Variants in PCDH15 observed in about 807,000 individuals in gnomAD.
PCDH15 encodes the protein protocadherin-15.
Under a neutral mutation model 178.5 loss-of-function variants are expected in PCDH15, and 129 were observed. The observed-to-expected ratio is 0.72, with a 90% CI of 0.63 to 0.84. PCDH15 has a LOEUF of 0.84. PCDH15 is among the 40% of genes least tolerant of loss of function. The pLI is 0.00. For synonymous variants in PCDH15, 800 were observed against 732.0 expected (o/e 1.09, Z -1.50); for missense variants, 2,230 against 2,099.9 (o/e 1.06, Z -1.21).
chr10:54,658,021 G>T (rs2094436801), intron 2 of PCDH15, among the ~76,000 whole-genome samples: 1 of 152,210 alleles, frequency 6.6e-6, no homozygotes, highest in East Asian at 1.9e-4. Context: ...ATAGTTGAAA[G>T]CTTTAACAAT....
chr10:54,935,513 T>C (rs546365595), intron 2 of PCDH15, among the ~76,000 whole-genome samples: 2 of 152,218 alleles, frequency 1.3e-5, no homozygotes, highest in East Asian at 3.9e-4. Context: ...TAAAATGGAG[T>C]TGAATCCTAA....
At chr10:54,537,834 T>C (rs888224589) in intron 2 of PCDH15, among the ~76,000 whole-genome samples, 4 of 152,084 alleles carry the variant, frequency 2.6e-5, no homozygotes, top group Non-Finnish European at 4.4e-5. Flanking sequence ...TAGTATCTCA[T>C]TGTGGTTTTG....
At chr10:54,961,329 G>A (rs1316113485) in intron 2 of PCDH15, among the ~76,000 whole-genome samples, 5 of 152,204 alleles carry the variant, frequency 3.3e-5, no homozygotes, top group Non-Finnish European at 7.3e-5. Flanking sequence ...TGGGGACTGA[G>A]GGTGACTCAG....
At chr10:53,845,319 G>T (rs983687454) in intron 28 of PCDH15, among the ~76,000 whole-genome samples, 36 of 151,780 alleles carry the variant, frequency 2.4e-4, no homozygotes, top group Non-Finnish European at 3.0e-4. Flanking sequence ...CAGTATGGAG[G>T]TTCCTCAAAA....
intron 1 of PCDH15, among the ~76,000 whole-genome samples, chr10:55,175,436 G>T (rs12252018): frequency 6.6e-6 from 1 of 151,684 alleles, no homozygotes; most frequent in Non-Finnish European, 1.5e-5. Context: ...CTTTAGAGGT[G>T]GGTGAATCAC....
chr10:55,231,368 T>A (rs1461583648), intron 1 of PCDH15, among the ~76,000 whole-genome samples: 1 of 151,960 alleles, frequency 6.6e-6, no homozygotes, highest in Non-Finnish European at 1.5e-5. Context: ...GACTCCCGAA[T>A]AATGTAAAGT....
intron 34 of PCDH15, among the ~76,000 whole-genome samples, chr10:53,817,240 G>A (rs1435057447): frequency 6.6e-6 from 1 of 152,134 alleles, no homozygotes; most frequent in Non-Finnish European, 1.5e-5. Context: ...TTGAGAAGCT[G>A]TATGCTAAAT....
chr10:54,597,418 T>C (rs985672566), intron 2 of PCDH15, among the ~76,000 whole-genome samples: 3 of 152,074 alleles, frequency 2.0e-5, no homozygotes, highest in Non-Finnish European at 4.4e-5. Context: ...AGATATAATA[T>C]ACCAGAATCT....
At chr10:55,511,294 G>C (rs540581158) in intron 2 of PCDH15, among the ~76,000 whole-genome samples, 57 of 152,022 alleles carry the variant, frequency 3.7e-4, no homozygotes, top group African/African-American at 1.2e-3. Flanking sequence ...AAGTTTCTTT[G>C]TCATATTTTA....
At chr10:54,142,521 A>C (rs1295454531) in intron 14 of PCDH15, among the ~76,000 whole-genome samples, 2 of 152,158 alleles carry the variant, frequency 1.3e-5, no homozygotes, top group African/African-American at 4.8e-5. Flanking sequence ...GGACAAACTC[A>C]GTTCAGAGTT....
chr10:54,902,626 T>C (rs1203932452), intron 2 of PCDH15, among the ~76,000 whole-genome samples: 1 of 152,200 alleles, frequency 6.6e-6, no homozygotes, highest in Non-Finnish European at 1.5e-5. Context: ...TTTCGGGTAG[T>C]TCTTTATAGC....
At chr10:54,403,183 C>T (rs1374831975) in intron 3 of PCDH15, among the ~76,000 whole-genome samples, 1 of 151,884 alleles carries the variant, frequency 6.6e-6, no homozygotes, top group East Asian at 1.9e-4. Context: ...TAAGCCAAAA[C>T]AAAATCCAGA....
At chr10:55,377,010 A>G (rs1837407535) in intron 2 of PCDH15, among the ~76,000 whole-genome samples, 1 of 152,058 alleles carries the variant, frequency 6.6e-6, no homozygotes, top group South Asian at 2.1e-4. Context: ...CATTTTCTCA[A>G]TGATAGGCAA....
intron 2 of PCDH15, among the ~76,000 whole-genome samples, chr10:54,933,989 A>G (rs1837844597): frequency 6.6e-6 from 1 of 152,196 alleles, no homozygotes; most frequent in African/African-American, 2.4e-5. Context: ...TACCCTGAAC[A>G]TAATGAATTA....
In PCDH15 at chr10:54,981,788, A is replaced by G. The variant is rs562560476; in HGVS notation, c.-79-84288T>C. On this transcript the variant is annotated intron_variant, in intron 2 of 5. Transcript: ENST00000458638. ...AACCCCCCACCTCCTTTAATTAATT[A>G]ATTTTGAGACAAGGTCTCATTCTGC... Among the ~76,000 whole-genome samples the G allele has an allele frequency of 1.1e-3, 164 of 151,912 alleles. 1 individual carries two copies. Among genetic ancestry groups the G allele is most frequent in the Non-Finnish European group, 1.9e-3 (132 of 67,924 alleles).
chr10:54,977,834 T>C (rs1473071622), intron 2 of PCDH15, among the ~76,000 whole-genome samples: 1 of 152,196 alleles, frequency 6.6e-6, no homozygotes, highest in Non-Finnish European at 1.5e-5. Context: ...TTCACAACAT[T>C]GTATTTATCA....
chr10:54,244,490 G>A (rs577816358), intron 8 of PCDH15, among the ~76,000 whole-genome samples: 7 of 152,128 alleles, frequency 4.6e-5, no homozygotes, highest in Non-Finnish European at 7.4e-5. Flanking sequence ...GTAACAAAAG[G>A]TTGGTGACTT....
intron 3 of PCDH15, among the ~76,000 whole-genome samples, chr10:54,501,525 G>T (rs2080688996): frequency 6.6e-6 from 1 of 152,072 alleles, no homozygotes; most frequent in Non-Finnish European, 1.5e-5. Context: ...GAATTTCATA[G>T]TCCAGTCTGA....
intron 2 of PCDH15, among the ~76,000 whole-genome samples, chr10:55,034,160 A>G (rs1185840058): frequency 6.6e-6 from 1 of 152,200 alleles, no homozygotes; most frequent in African/African-American, 2.4e-5. Flanking sequence ...ACTCAGAAAA[A>G]TAGAGTTCAG....
Sources: allele counts gnomAD v4.1 joint callset (sites outside exome capture counted in the v4.1 genomes callset), GRCh38; gene constraint gnomAD v4.1.1; transcripts MANE v1.5; gene names NCBI Gene and HGNC (gene_info 2026-07-23, HGNC 2026-07-21).